BICRA: variants seen among roughly 807,000 people sequenced by gnomAD.
The protein encoded by BICRA is BRD4 interacting chromatin remodeling complex associated protein, also known as BRD4-interacting chromatin-remodeling complex-associated protein.
In BICRA, 31 loss-of-function variants were observed where a neutral mutation model predicts 96.9. The ratio of observed to expected loss-of-function variants is 0.32; its 90% CI spans 0.24 to 0.43. The LOEUF is 0.43. Ranked by LOEUF, BICRA falls within the 20% of genes least tolerant of loss-of-function variation. The pLI, the probability that BICRA is intolerant of heterozygous loss-of-function variation, is 1.00. For missense variants in BICRA, 2,283 were observed against 2,190.3 expected (o/e 1.04, Z -0.84); for synonymous variants, 1,350 against 1,071.8 (o/e 1.26, Z -5.07).
In BICRA at chr19:47,688,562, G is replaced by A. The variant is rs539595186; in HGVS notation, c.2284-5553G>A. Among the ~76,000 whole-genome samples, 8 of 152,144 alleles carry A rather than the reference G, an allele frequency of 5.3e-5. No homozygotes were observed. The East Asian group carries it at 1.6e-3, about 30-fold the overall frequency. Reference sequence around the variant, plus strand: ...TCCCAACATTTTGGGAAGCCGAGTTGGGTGGATCACGAGGTCAAGATATCG... The same window carrying A: ...TCCCAACATTTTGGGAAGCCGAGTTAGGTGGATCACGAGGTCAAGATATCG... On this transcript the variant is annotated intron_variant, in intron 7 of 14. Coordinates refer to ENST00000594866, the MANE Select transcript of BICRA (RefSeq NM_001394372.1).
rs1055013721 is a variant in BICRA at position 47,681,102 on chromosome 19, G to A, written c.1932G>A (p.Ala644=). 13 of 1,461,108 alleles carry A rather than the reference G, an allele frequency of 8.9e-6. No homozygotes were observed. Among genetic ancestry groups the A allele is most frequent in the African/African-American group, 2.9e-5 (2 of 69,822 alleles). 90.5% of individuals were successfully genotyped at this position (1,461,108 alleles called of 1,614,324 possible). Residue 644 remains alanine (A), a synonymous_variant, in exon 6 of 15, where the codon GCG becomes GCA. Transcript: ENST00000594866. ...PLPLGLQQPQ[A]QQPPQAPTPQ... is the part of the protein sequence containing the mutation. ...CCCTGGGCCTCCAGCAGCCGCAGGCGCAGCAGCCCCCGCAGGCCCCCACCC... is the reference window on the plus strand; with the variant it reads ...CCCTGGGCCTCCAGCAGCCGCAGGCACAGCAGCCCCCGCAGGCCCCCACCC...
chr19:47,644,118 A>G (rs903314603), intron 1 of BICRA, among the ~76,000 whole-genome samples: 1 of 152,102 alleles, frequency 6.6e-6, no homozygotes, highest in Non-Finnish European at 1.5e-5. Context: ...TGCTGGGCTC[A>G]AGGGATCCTT....
chr19:47,667,176 G>A (rs1045104955), intron 1 of BICRA, among the ~76,000 whole-genome samples: 23 of 152,102 alleles, frequency 1.5e-4, no homozygotes, highest in African/African-American at 4.6e-4. Flanking sequence ...CCACCCCCAC[G>A]CCGGGCTCAT....
In BICRA at chr19:47,695,086, A is replaced by AGAGAGGTCGCCTATGTGCCC; in HGVS notation, c.3076+7_3076+26dup. ...GGCACCCATGGCCGCCACAGGTAGG[A>AGAGAGGTCGCCTATGTGCCC]GAGAGGTCGCCTATGTGCCCAGGGA... On this transcript the variant is annotated splice_region_variant and intron_variant, in intron 9 of 14. Coordinates refer to ENST00000594866, the MANE Select transcript of BICRA (RefSeq NM_001394372.1). 6.7e-7 allele frequency: 1 copy of AGAGAGGTCGCCTATGTGCCC among 1,487,972 alleles called. No individual in the cohort carries two copies. Among genetic ancestry groups the AGAGAGGTCGCCTATGTGCCC allele is most frequent in the South Asian group, 1.3e-5 (1 of 78,314 alleles). The allele number at this position is 1,487,972 out of a possible 1,614,324, so 92.2% of individuals were successfully genotyped here. A position where few individuals can be genotyped will look rare whatever the true frequency, so the allele number is the denominator to read the frequency against.
chr19:47,646,112 C>A (rs2911009), intron 1 of BICRA, among the ~76,000 whole-genome samples: 110,329 of 151,906 alleles, frequency 0.73, 40,510 homozygotes, highest in African/African-American at 0.83. Context: ...AAAAGAAAAA[C>A]GTAGAAAGAA....
intron 1 of BICRA, among the ~76,000 whole-genome samples, chr19:47,620,048 C>T (rs529280671): frequency 6.6e-5 from 10 of 152,224 alleles, no homozygotes; most frequent in African/African-American, 1.7e-4. Context: ...GAGTCCTGCC[C>T]CGTGGAGTCC....
At chr19:47,634,025 A>G (rs1972262190) in intron 1 of BICRA, among the ~76,000 whole-genome samples, 1 of 152,174 alleles carries the variant, frequency 6.6e-6, no homozygotes, top group African/African-American at 2.4e-5. Flanking sequence ...GAGCCATGTG[A>G]ATGTAAATTC....
Position 47,629,660 on chromosome 19 carries a change from T to G in BICRA, c.-108+20492T>G, listed in dbSNP as rs183943285. On this transcript the variant is annotated intron_variant, in intron 1 of 14. Transcript: ENST00000594866. ...ATGAGTGTGCAAATATCTATTTTTT[T>G]TGTGTGGTTTTTTTTGAGACGGAGT... Among the ~76,000 whole-genome samples, 38 of 147,284 alleles carry G rather than the reference T, an allele frequency of 2.6e-4. No individual in the cohort carries two copies. In the East Asian group the frequency reaches 2.8e-3, roughly 11 times the overall value.
chr19:47,626,254 G>A (rs1487582363), intron 1 of BICRA: 1 of 152,236 alleles, frequency 6.6e-6, no homozygotes. Flanking sequence ...GGTAGGTGCA[G>A]GGAGCACCCC....
rs561617277 is a variant in BICRA at position 47,691,913 on chromosome 19, TCTTA to T, written c.2284-2197_2284-2194del. Among the ~76,000 whole-genome samples the T allele has an allele frequency of 2.6e-3, 399 of 152,292 alleles. 2 individuals carry two copies. Among genetic ancestry groups the T allele is most frequent in the Middle Eastern group, 0.017 (5 of 294 alleles). On this transcript the variant is annotated intron_variant, in intron 7 of 14. Coordinates refer to ENST00000594866, the MANE Select transcript of BICRA (RefSeq NM_001394372.1). ...TCAGCCTTGGAGAACAAGGACATTC[TCTTA>T]CTTAACCATCATACTGCAAAGAAAT...
In BICRA at chr19:47,694,350, A is replaced by T; in HGVS notation, c.2519A>T (p.Gln840Leu). The change falls in exon 8 of 15, where the codon CAG becomes CTG. Residue 840 changes from glutamine to leucine, a missense_variant. Coordinates refer to ENST00000594866, the MANE Select transcript of BICRA (RefSeq NM_001394372.1). ...CCTGGCATCTTTGTCATCCAAAACC[A>T]GCTAGGCGTTCCCCCGCCTGCCAGC... ...TLPGIFVIQN[Q>L]LGVPPPASNP... 1 of 1,184,572 alleles carries T rather than the reference A, an allele frequency of 8.4e-7. No individual in the cohort carries two copies. The highest frequency in any genetic ancestry group is 1.2e-6 in the Non-Finnish European group (1 of 850,102). 73.4% of individuals were successfully genotyped at this position (1,184,572 alleles called of 1,614,324 possible).
chr19:47,650,065 C>T (rs1303898526), intron 1 of BICRA, among the ~76,000 whole-genome samples: 1 of 152,048 alleles, frequency 6.6e-6, no homozygotes, highest in African/African-American at 2.4e-5. Context: ...GATTATCCTG[C>T]CTCAGCTTCC....
Position 47,701,418 on chromosome 19 carries a change from C to T in BICRA, c.3686C>T (p.Ser1229Phe), listed in dbSNP as rs1374359292. The T allele has an allele frequency of 1.3e-6, 2 of 1,590,966 alleles. No homozygotes were observed. Among genetic ancestry groups the T allele is most frequent in the East Asian group, 2.3e-5 (1 of 43,532 alleles). Reference protein sequence around the residue: ...HRLPGHGPLSSSAPGASTQPP... With the variant: ...HRLPGHGPLSFSAPGASTQPP... ...CTTCCCGGCCACGGCCCCCTGTCGT[C>T]TTCAGCTCCCGGGGCCTCCACCCAG... The change falls in exon 15 of 15, where the codon TCT becomes TTT. Residue 1229 changes from serine to phenylalanine, a missense_variant. Coordinates refer to ENST00000594866, the MANE Select transcript of BICRA (RefSeq NM_001394372.1). The surrounding 1 kb of genome is among the most constrained non-coding windows in gnomAD (Gnocchi z 5.4).
At chr19:47,652,110 A>C (rs1268292768) in intron 1 of BICRA, among the ~76,000 whole-genome samples, 1 of 152,150 alleles carries the variant, frequency 6.6e-6, no homozygotes, top group East Asian at 1.9e-4. Context: ...GGCATGTGAG[A>C]AAAATAGGGG....
chr19:47,616,491 T>C (rs771383887), intron 1 of BICRA, among the ~76,000 whole-genome samples: 4 of 151,892 alleles, frequency 2.6e-5, no homozygotes, highest in Non-Finnish European at 4.4e-5. Flanking sequence ...ACAAAAAAAT[T>C]AGCCAGGCGT....
chr19:47,664,668 G>C (rs1014377633), intron 1 of BICRA, among the ~76,000 whole-genome samples: 1 of 152,230 alleles, frequency 6.6e-6, no homozygotes, highest in African/African-American at 2.4e-5. Context: ...GTGCCAGGCA[G>C]CTTCGGCTGT....
rs1972934628 is a variant in BICRA, at chr19:47,675,993, G to A, written c.150+77G>A. ...GAGGAGGGCCCTGAAGCCAAGAGGGGAGGCTTGGGCTCATCTCGTGAGGGC... is the reference window on the plus strand; with the variant it reads ...GAGGAGGGCCCTGAAGCCAAGAGGGAAGGCTTGGGCTCATCTCGTGAGGGC... On this transcript the variant is annotated intron_variant, in intron 5 of 14. Transcript: ENST00000594866. This position sits in a 1 kb window ranked among gnomAD's most constrained non-coding sequence, Gnocchi z 4.7. 3 of 1,004,570 alleles carry A rather than the reference G, an allele frequency of 3.0e-6. No homozygotes were observed. Among genetic ancestry groups the A allele is most frequent in the Non-Finnish European group, 4.5e-6 (3 of 660,236 alleles). 62.2% of individuals were successfully genotyped at this position (1,004,570 alleles called of 1,614,324 possible).
chr19:47,702,457 C>T lies in BICRA; in HGVS notation c.*42C>T, dbSNP rs777680075. 3.5e-6 allele frequency: 5 copies of T among 1,432,296 alleles called. No homozygotes were observed. The African/African-American group carries it at 6.0e-5, about 17-fold the overall frequency. 88.7% of individuals were successfully genotyped at this position (1,432,296 alleles called of 1,614,324 possible). On this transcript the variant is annotated 3_prime_UTR_variant, in exon 15 of 15. Coordinates refer to ENST00000594866, the MANE Select transcript of BICRA (RefSeq NM_001394372.1). Reference sequence around the variant, plus strand: ...CTTCCCCGTCCCCTCCTCCCGAAGACGCCGGGACAGTCGGGTGTCCGCCCT... The same window carrying T: ...CTTCCCCGTCCCCTCCTCCCGAAGATGCCGGGACAGTCGGGTGTCCGCCCT...
chr19:47,644,469 TCCCTACCCCTTCCCCTTC>T (rs1304255683), intron 1 of BICRA, among the ~76,000 whole-genome samples: 1 of 126,310 alleles, frequency 7.9e-6, no homozygotes, highest in Non-Finnish European at 1.6e-5. Flanking sequence ...CCCTCCCCTT[TCCCTACCCCTTCCCCTTC>T]CCCTACCCCT....
Sources: allele counts gnomAD v4.1 joint callset (sites outside exome capture counted in the v4.1 genomes callset), GRCh38; gene constraint gnomAD v4.1.1; non-coding constraint Gnocchi (gnomAD v3.1); transcripts MANE v1.5; gene names NCBI Gene and HGNC (gene_info 2026-07-23, HGNC 2026-07-21).